The following TPCN2 variants were observed in gnomAD, a reference collection of about 807,000 sequenced individuals.
TPCN2 encodes two pore segment channel 2, also known as two pore channel protein 2.
In TPCN2, 92 loss-of-function variants were observed where a neutral mutation model predicts 111.4. That is an observed-to-expected ratio of 0.83 (90% CI 0.70 to 0.98). The LOEUF (loss-of-function observed/expected upper bound fraction) is 0.98. Ranked by LOEUF, TPCN2 falls within the 50% of genes least tolerant of loss-of-function variation. TPCN2 has a pLI of 0.00. For synonymous variants in TPCN2, 405 were observed against 414.5 expected, an observed-to-expected ratio of 0.98 and a Z score of 0.28; for missense variants, 995 against 980.1, an observed-to-expected ratio of 1.02 and a Z score of -0.20.
Position 69,071,993 on chromosome 11 carries a change from T to C in TPCN2, c.1031T>C (p.Met344Thr), listed in dbSNP as rs137981212. 8.1e-6 allele frequency: 13 copies of C among 1,613,720 alleles called. No individual in the cohort carries two copies. The highest frequency in any genetic ancestry group is 9.3e-6 in the Non-Finnish European group (11 of 1,179,924). The change falls in exon 11 of 25, where the codon ATG becomes ACG. Residue 344 changes from methionine (M) to threonine (T), a missense_variant. Coordinates refer to ENST00000294309, the MANE Select transcript of TPCN2 (RefSeq NM_139075.4). ...GCTGCCTTTGAAGTCCTATCCTCCA[T>C]GGTGGGGGAGGGAGGAGCCTTCCCT... is the stretch of plus-strand genomic sequence containing the variant. ...TRAAFEVLSS[M>T]VGEGGAFPQA...
At chr11:69,087,001 GCTCAGCCCC>G in intron 23 of TPCN2, 102 bp from the exon 24 acceptor site, 1 of 874,484 alleles carries the variant, frequency 1.1e-6, no homozygotes, top group Non-Finnish European at 1.8e-6. Context: ...AGGGTGAATG[GCTCAGCCCC>G]CTCAGCGGGT....
Position 69,063,886 on chromosome 11 carries a change from C to CT in TPCN2, c.654-8dup. 6.2e-7 allele frequency: 1 copy of CT among 1,613,604 alleles called. No individual in the cohort carries two copies. Among genetic ancestry groups the CT allele is most frequent in the South Asian group, 1.1e-5 (1 of 91,010 alleles). On this transcript the variant is annotated splice_polypyrimidine_tract_variant and intron_variant, in intron 6 of 24. Coordinates refer to ENST00000294309, the MANE Select transcript of TPCN2 (RefSeq NM_139075.4). ...CCTGGCCCAGGCTGAGTGCCGTGCT[C>CT]TCCCCCAGCGTCGGGCTGCTGCTGG...
chr11:69,088,026 G>A lies in TPCN2; in HGVS notation c.*73G>A. 1 of 1,371,648 alleles carries A rather than the reference G, an allele frequency of 7.3e-7. No individual in the cohort carries two copies. The highest frequency in any genetic ancestry group is 1.0e-6 in the Non-Finnish European group (1 of 1,001,154). 85.0% of individuals were successfully genotyped at this position (1,371,648 alleles called of 1,614,324 possible). A position where few individuals can be genotyped will look rare whatever the true frequency, so the allele number is the denominator to read the frequency against. On this transcript the variant is annotated 3_prime_UTR_variant, in exon 25 of 25. Transcript: ENST00000294309. Reference sequence around the variant, plus strand: ...CTACACAGGTGCCCGTCATGGAAGAGGCGGCCATGCTGTGGCCAGCCAGGC... The same window carrying A: ...CTACACAGGTGCCCGTCATGGAAGAAGCGGCCATGCTGTGGCCAGCCAGGC...
chr11:69,058,183 C>G (rs4930646), intron 5 of TPCN2, among the ~76,000 whole-genome samples: 143,260 of 152,256 alleles, frequency 0.94, 67,784 homozygotes, highest in Non-Finnish European at 1. Context: ...CTGGGCTTTG[C>G]GAGAATAGAG....
At chr11:69,049,983 C>A (rs1475586208) in intron 1 of TPCN2, among the ~76,000 whole-genome samples, 1 of 152,224 alleles carries the variant, frequency 6.6e-6, no homozygotes, top group Non-Finnish European at 1.5e-5. Flanking sequence ...TCTGAGAATT[C>A]ACACCTGGCT....
In TPCN2 at chr11:69,067,954, G is replaced by A. The variant is rs1312696000; in HGVS notation, c.829+349G>A. On this transcript the variant is annotated intron_variant, in intron 8 of 24. Coordinates refer to ENST00000294309, the MANE Select transcript of TPCN2 (RefSeq NM_139075.4). ...TGGCTGGTGTTCTTCATAGGGCGAT[G>A]ATGGCAGTGGTCAGAGGGGTCTCCT... 3.3e-5 allele frequency among the ~76,000 whole-genome samples: 5 copies of A among 152,152 alleles called. No homozygotes were observed. In the South Asian group the frequency reaches 8.3e-4, roughly 25 times the overall value.
rs1388985454 is a variant in TPCN2, at chr11:69,088,018, A to G, written c.*65A>G. On this transcript the variant is annotated 3_prime_UTR_variant, in exon 25 of 25. Coordinates refer to ENST00000294309, the MANE Select transcript of TPCN2 (RefSeq NM_139075.4). ...AGGCTGGCCTACACAGGTGCCCGTC[A>G]TGGAAGAGGCGGCCATGCTGTGGCC... 7 of 1,409,826 alleles carry G rather than the reference A, an allele frequency of 5.0e-6. No homozygotes were observed. The highest frequency in any genetic ancestry group is 6.8e-6 in the Non-Finnish European group (7 of 1,032,014). The allele number at this position is 1,409,826 out of a possible 1,614,324, so 87.3% of individuals were successfully genotyped here.
chr11:69,085,199 T>C lies in TPCN2; in HGVS notation c.1762-11T>C, dbSNP rs778610254. 13 of 1,613,966 alleles carry C rather than the reference T, an allele frequency of 8.1e-6. No homozygotes were observed. The highest frequency in any genetic ancestry group is 1.3e-5 in the African/African-American group (1 of 75,054). On this transcript the variant is annotated splice_polypyrimidine_tract_variant and intron_variant, in intron 19 of 24. Transcript: ENST00000294309. ...GTGGGGCTGATCAGTCCCCGGCTCC[T>C]GGCCCGCCAGGTGGTCTACTACGTA...
intron 18 of TPCN2, among the ~76,000 whole-genome samples, chr11:69,082,834 CACGT>C (rs1856094011): frequency 7.9e-6 from 1 of 125,962 alleles, no homozygotes; most frequent in Admixed American, 7.7e-5. Context: ...GTGCACACAT[CACGT>C]GCAGATATCC....
At chr11:69,066,816 G>A (rs1006489533) in intron 7 of TPCN2, among the ~76,000 whole-genome samples, 1 of 152,188 alleles carries the variant, frequency 6.6e-6, no homozygotes, top group South Asian at 2.1e-4. Context: ...GGCTTGGTAG[G>A]CAGAGGGTGC....
At chr11:69,086,473 C>T in intron 22 of TPCN2, 50 bp from the exon 23 acceptor site, 1 of 1,514,974 alleles carries the variant, frequency 6.6e-7, no homozygotes, top group Non-Finnish European at 9.2e-7. Flanking sequence ...GTATCGAGTG[C>T]TCTTGCTTTG....
rs944904769 is a variant in TPCN2, at chr11:69,055,255, T to A, written c.332T>A (p.Val111Glu). 2.5e-6 allele frequency: 4 copies of A among 1,614,094 alleles called. No individual in the cohort carries two copies. Among genetic ancestry groups the A allele is most frequent in the Non-Finnish European group, 3.4e-6 (4 of 1,180,024 alleles). ...TCCTCACTCACCAGCACGGCGGACG[T>A]GCGCTACCGCGCTGCTCCCTGGGAG... ...TPSSLTSTAD[V>E]RYRAAPWEPP... Residue 111 changes from valine (V) to glutamate (E), a missense_variant, in exon 4 of 25, where the codon GTG becomes GAG. Physicochemically the swap from Val to Glu is moderately radical, Grantham distance 121. Transcript: ENST00000294309.
intron 13 of TPCN2, among the ~76,000 whole-genome samples, chr11:69,076,513 G>T (rs906656150): frequency 2.0e-5 from 3 of 151,952 alleles, no homozygotes; most frequent in Non-Finnish European, 4.4e-5. Flanking sequence ...GATCCACCCC[G>T]TAGCATCCGG....
At chr11:69,076,124 G>A (rs1855742915) in intron 13 of TPCN2, among the ~76,000 whole-genome samples, 1 of 152,196 alleles carries the variant, frequency 6.6e-6, no homozygotes, top group East Asian at 1.9e-4. Flanking sequence ...TGGGCTGAGG[G>A]GAGTGCATGA....
intron 13 of TPCN2, 135 bp from the exon 14 acceptor site, chr11:69,078,347 C>A: frequency 8.8e-7 from 1 of 1,140,326 alleles, no homozygotes; most frequent in Non-Finnish European, 1.2e-6. Flanking sequence ...GGATTATTTC[C>A]TGTGGCTGGA....
In TPCN2 at chr11:69,087,188, CTG is replaced by C. The variant is rs1856321086; in HGVS notation, c.2165_2166del (p.Val722GlyfsTer15). On this transcript the variant is annotated frameshift_variant, in exon 24 of 25. Coordinates refer to ENST00000294309, the MANE Select transcript of TPCN2 (RefSeq NM_139075.4). LOFTEE classifies it high-confidence loss of function. Reference sequence around the variant, plus strand: ...ACCCCAGAGGCCACCTACCAGATGACTGTGGAGCTCCTGTTCAGGTGTGTGGG... The same window carrying C: ...ACCCCAGAGGCCACCTACCAGATGACTGGAGCTCCTGTTCAGGTGTGTGGG... 6.2e-7 allele frequency: 1 copy of C among 1,613,760 alleles called. No homozygotes were observed. The highest frequency in any genetic ancestry group is 8.5e-7 in the Non-Finnish European group (1 of 1,179,858).
At chr11:69,069,136 G>A (rs111951030) in intron 8 of TPCN2, among the ~76,000 whole-genome samples, 1 of 136,594 alleles carries the variant, frequency 7.3e-6, no homozygotes, top group Non-Finnish European at 1.6e-5. Flanking sequence ...GAGCAGGACT[G>A]TCTGAGTCCT....
chr11:69,077,910 C>T (rs112841299), intron 13 of TPCN2, among the ~76,000 whole-genome samples: 6 of 152,308 alleles, frequency 3.9e-5, no homozygotes, highest in African/African-American at 9.6e-5. Flanking sequence ...TGTGGGACAG[C>T]GGGTGCAGGT....
In TPCN2 at chr11:69,049,025, C is replaced by T. The variant is rs778013746; in HGVS notation, c.28C>T (p.Pro10Ser). MAEPQAESE[P>S]LLGGARGGGG... ...GGCGGAACCCCAGGCGGAGTCGGAG[C>T]CCCTGCTGGGCGGGGCCCGCGGCGG... Residue 10 changes from proline to serine, a missense_variant, in exon 1 of 25, where the codon CCC becomes TCC. Coordinates refer to ENST00000294309, the MANE Select transcript of TPCN2 (RefSeq NM_139075.4). 3.6e-5 allele frequency: 45 copies of T among 1,240,988 alleles called. No individual in the cohort carries two copies. The highest frequency in any genetic ancestry group is 4.8e-4 in the Middle Eastern group (2 of 4,174). The allele number at this position is 1,240,988 out of a possible 1,614,324, so 76.9% of individuals were successfully genotyped here. A position where few individuals can be genotyped will look rare whatever the true frequency, so the allele number is the denominator to read the frequency against.
Sources: gnomAD v4.1 joint callset for allele counts (sites outside exome capture counted in the v4.1 genomes callset) on GRCh38, gnomAD v4.1.1 for gene constraint, MANE v1.5 for transcripts, NCBI Gene and HGNC (gene_info 2026-07-23, HGNC 2026-07-21) for gene names.